ABTB3: variants seen among roughly 807,000 people sequenced by gnomAD.
ABTB3 encodes the protein ankyrin repeat- and BTB/POZ domain-containing protein 3.
At chr12:107,409,204 T>C in the ABTB3 span, among the ~76,000 whole-genome samples, 3 of 152,180 alleles carry the variant, frequency 2.0e-5, no homozygotes, top group Non-Finnish European at 2.9e-5. Flanking sequence ...CCAGGCCCCA[T>C]GGAAGGGCCA....
chr12:107,622,120 G>A, the ABTB3 span, among the ~76,000 whole-genome samples: 1 of 152,142 alleles, frequency 6.6e-6, no homozygotes. Context: ...TGTCTCAAGA[G>A]CAGGGAGCCA....
the ABTB3 span, among the ~76,000 whole-genome samples, chr12:107,605,031 T>C: frequency 1.3e-5 from 2 of 152,220 alleles, no homozygotes; most frequent in Non-Finnish European, 2.9e-5. Context: ...AAAAACACCA[T>C]GCAATCTCAC....
chr12:107,559,931 T>C, the ABTB3 span, among the ~76,000 whole-genome samples: 1 of 152,202 alleles, frequency 6.6e-6, no homozygotes, highest in Non-Finnish European at 1.5e-5. Flanking sequence ...GGAAGAAAAT[T>C]AAAATTATTT....
chr12:107,406,651 C>G, the ABTB3 span, among the ~76,000 whole-genome samples: 1 of 152,176 alleles, frequency 6.6e-6, no homozygotes, highest in Non-Finnish European at 1.5e-5. Context: ...AGCACCTGCT[C>G]AGGTACTGTT....
chr12:107,320,188 C>A, the ABTB3 span: 1 of 1,321,672 alleles, frequency 7.6e-7, no homozygotes, highest in Non-Finnish European at 9.7e-7. Context: ...CTGTCCCAAG[C>A]CGCTGAGGAG....
the ABTB3 span, among the ~76,000 whole-genome samples, chr12:107,333,877 G>A: frequency 3.3e-4 from 50 of 152,334 alleles, no homozygotes; most frequent in Non-Finnish European, 5.0e-4. Context: ...GAGAGTAGGG[G>A]ATGGTTGCAA....
At chr12:107,319,091 T>C in the ABTB3 span, 1 of 1,609,724 alleles carries the variant, frequency 6.2e-7, no homozygotes, top group Non-Finnish European at 8.5e-7. Context: ...TGGCGGGAGC[T>C]GCTGGCCGCC....
At chr12:107,385,640 T>C in the ABTB3 span, among the ~76,000 whole-genome samples, 1 of 152,092 alleles carries the variant, frequency 6.6e-6, no homozygotes, top group Admixed American at 6.5e-5. Context: ...GCTGAGATGT[T>C]CCTTGGAAAA....
chr12:107,399,271 G>T, the ABTB3 span, among the ~76,000 whole-genome samples: 8 of 152,124 alleles, frequency 5.3e-5, no homozygotes, highest in Non-Finnish European at 1.2e-4. Context: ...ATTCTTTTTT[G>T]AAGATATTTA....
At chr12:107,598,281 A>AC in the ABTB3 span, among the ~76,000 whole-genome samples, 1 of 152,212 alleles carries the variant, frequency 6.6e-6, no homozygotes, top group East Asian at 1.9e-4. Flanking sequence ...ATGAGATGTC[A>AC]CTGAACACAG....
the ABTB3 span, among the ~76,000 whole-genome samples, chr12:107,321,251 G>A: frequency 2.0e-5 from 3 of 152,218 alleles, no homozygotes; most frequent in Non-Finnish European, 2.9e-5. Context: ...GGCTGGAGGA[G>A]CACTGCGGTG....
the ABTB3 span, among the ~76,000 whole-genome samples, chr12:107,411,041 C>T: frequency 3.3e-5 from 5 of 152,132 alleles, no homozygotes; most frequent in African/African-American, 4.8e-5. Flanking sequence ...GGCTCATGCC[C>T]GTAATCCCAA....
At chr12:107,469,948 CTT>C in the ABTB3 span, among the ~76,000 whole-genome samples, 163 of 42,786 alleles carry the variant, frequency 3.8e-3, 12 homozygotes, top group East Asian at 0.021. Context: ...CTTTCTCTTT[CTT>C]TCTTTCTTTC....
the ABTB3 span, among the ~76,000 whole-genome samples, chr12:107,439,059 C>T: frequency 6.6e-6 from 1 of 152,128 alleles, no homozygotes; most frequent in African/African-American, 2.4e-5. Context: ...AGTGTGGCTA[C>T]CATTTGTCTC....
the ABTB3 span, among the ~76,000 whole-genome samples, chr12:107,365,340 G>A: frequency 6.6e-3 from 1,008 of 152,238 alleles, 9 homozygotes; most frequent in African/African-American, 0.022. Flanking sequence ...TCTGTAAAAT[G>A]GGAATAATAA....
chr12:107,386,936 T>G, the ABTB3 span, among the ~76,000 whole-genome samples: 1 of 149,822 alleles, frequency 6.7e-6, no homozygotes, highest in Admixed American at 6.7e-5. Context: ...TGTGTGCGCA[T>G]GCTTGCAAGA....
chr12:107,321,554 G>A, the ABTB3 span, among the ~76,000 whole-genome samples: 1 of 151,904 alleles, frequency 6.6e-6, no homozygotes, highest in African/African-American at 2.4e-5. Context: ...GCCCTTCCCC[G>A]TCTGCTGCCA....
the ABTB3 span, among the ~76,000 whole-genome samples, chr12:107,515,521 G>A: frequency 6.6e-6 from 1 of 152,152 alleles, no homozygotes; most frequent in East Asian, 1.9e-4. Flanking sequence ...TTAAGGGGTG[G>A]TAAGTTCCTG....
chr12:107,547,522 G>A, the ABTB3 span, among the ~76,000 whole-genome samples: 6 of 152,172 alleles, frequency 3.9e-5, no homozygotes, highest in Non-Finnish European at 8.8e-5. Flanking sequence ...GTTTTAAAGA[G>A]GCACGAGCAG....
Sources: gnomAD v4.1 joint callset for allele counts (sites outside exome capture counted in the v4.1 genomes callset) on GRCh38, gnomAD v4.1.1 for gene constraint, MANE v1.5 for transcripts, NCBI Gene and HGNC (gene_info 2026-07-23, HGNC 2026-07-21) for gene names.